Variants in HDAC6 observed in about 807,000 individuals in gnomAD.
HDAC6 encodes protein deacetylase HDAC6.
Under a neutral mutation model 88.9 loss-of-function variants are expected in HDAC6, and 5 were observed. The observed-to-expected ratio is 0.06, with a 90% CI of 0.03 to 0.12. HDAC6 has a LOEUF of 0.12. HDAC6 is among the 10% of genes least tolerant of loss of function. The pLI, the probability that HDAC6 is intolerant of heterozygous loss-of-function variation, is 1.00. For missense variants in HDAC6, 706 were observed against 1,014.4 expected, an observed-to-expected ratio of 0.70 and a Z score of 4.13; for synonymous variants, 378 against 398.0, an observed-to-expected ratio of 0.95 and a Z score of 0.60.
Position 48,823,122 on chromosome X carries a change from A to T in HDAC6, c.2723A>T (p.Asp908Val), listed in dbSNP as rs1557030674. The T allele has an allele frequency of 8.3e-7, 1 of 1,209,219 alleles. No individual in the cohort carries two copies. The highest frequency in any genetic ancestry group is 1.1e-6 in the Non-Finnish European group (1 of 894,108). ...SETAVVALTQ[D>V]QPSEAATGGA... The stretch of plus-strand genomic sequence containing the variant: ...ACAGCTGTGGTGGCCCTCACTCAGG[A>T]CCAGCCCTCAGAGGCAGCCACAGGG... The change falls in exon 25 of 29, where the codon GAC becomes GTC. Residue 908 changes from aspartate (D) to valine (V), a missense_variant. Asp to Val is a radical substitution (Grantham distance 152). Coordinates refer to ENST00000334136, the MANE Select transcript of HDAC6 (RefSeq NM_006044.4).
At chrX:48,809,723 A>G (rs1369663786) in intron 10 of HDAC6, among the ~76,000 whole-genome samples, 1 of 109,555 alleles carries the variant, frequency 9.1e-6, no homozygotes, top group African/African-American at 3.3e-5. Context: ...AATCACTTGA[A>G]CCCAGGAGGC....
At chrX:48,804,764 A>T (rs1473072356) in intron 4 of HDAC6, among the ~76,000 whole-genome samples, 1 of 112,022 alleles carries the variant, frequency 8.9e-6, no homozygotes, top group African/African-American at 3.3e-5. Context: ...GTTATGAAGA[A>T]GCAGTAAAGG....
Position 48,824,152 on chromosome X carries a change from A to AC in HDAC6, c.3451-9dup, listed in dbSNP as rs1557031517. On this transcript the variant is annotated splice_polypyrimidine_tract_variant and intron_variant, in intron 27 of 28. Coordinates refer to ENST00000334136, the MANE Select transcript of HDAC6 (RefSeq NM_006044.4). ...ATGCTGACCCCCACCTGACACTCAC[A>AC]CCCCCAACCTCAGGTCTACTGTGGT... 1 of 1,205,684 alleles carries AC rather than the reference A, an allele frequency of 8.3e-7. No individual in the cohort carries two copies. The highest frequency in any genetic ancestry group is 2.2e-5 in the Admixed American group (1 of 45,696).
In HDAC6 at chrX:48,822,785, C is replaced by A; in HGVS notation, c.2503C>A (p.Arg835=). 1.7e-6 allele frequency: 2 copies of A among 1,196,784 alleles called. No individual in the cohort carries two copies. Residue 835 remains arginine, a synonymous_variant, in exon 24 of 29, where the codon CGG becomes AGG. Transcript: ENST00000334136. ...QVHRRYWRSL[R]VMKVEDREGP... ...CCATCGCAGATACTGGCGCAGCTTA[C>A]GGGTCATGAGTGAGTGGATTTGGGG...
intron 13 of HDAC6, 21 bp downstream of exon 13, chrX:48,814,914 C>T (rs782466350): frequency 1.4e-4 from 173 of 1,207,682 alleles, no homozygotes; most frequent in Middle Eastern, 7.0e-4. Flanking sequence ...CTCCCTGGGG[C>T]GGCAGGTGGG....
rs1306820453 is a variant in HDAC6 at position 48,814,388 on chromosome X, CTA to C, written c.807-50_807-49del. 5 of 1,186,504 alleles carry C rather than the reference CTA, an allele frequency of 4.2e-6. No homozygotes were observed. In the Admixed American group the frequency reaches 1.1e-4, roughly 26 times the overall value. ...CTGGCAACTGTTGGGTTGGGGGTGT[CTA>C]TGGGGATTGACTTCTCCAACTCTCT... is the stretch of plus-strand genomic sequence containing the variant. On this transcript the variant is annotated intron_variant, in intron 10 of 28. Coordinates refer to ENST00000334136, the MANE Select transcript of HDAC6 (RefSeq NM_006044.4).
upstream of HDAC6, chrX:48,801,742 C>A: frequency 3.2e-6 from 2 of 634,120 alleles, no homozygotes; most frequent in South Asian, 5.1e-5. Context: ...CGCTTGTGAG[C>A]TCGCGAGAGG....
intron 22 of HDAC6, 43 bp downstream of exon 22, chrX:48,818,455 T>C: frequency 9.3e-7 from 1 of 1,076,240 alleles, no homozygotes; most frequent in Non-Finnish European, 1.2e-6. Flanking sequence ...GACACGCCTG[T>C]GCAGGTGGCA....
At chrX:48,801,786 C>G (rs1487189298), upstream of HDAC6, 23 of 903,519 alleles carry the variant, frequency 2.5e-5, no homozygotes, top group Non-Finnish European at 3.1e-5. Context: ...CCTTGAGGCA[C>G]GGTCCCCTCT....
chrX:48,807,255 A>G (rs1433491473), intron 8 of HDAC6, among the ~76,000 whole-genome samples: 3 of 112,525 alleles, frequency 2.7e-5, no homozygotes, highest in African/African-American at 9.7e-5. Context: ...GGAGCCCGGT[A>G]GAACACCATT....
At chrX:48,814,376 G>T in intron 10 of HDAC6, 64 bp from the exon 11 acceptor site, 1 of 1,144,393 alleles carries the variant, frequency 8.7e-7, no homozygotes, top group East Asian at 3.0e-5. Context: ...GCAACTGTTG[G>T]GTTGGGGGTG....
intron 4 of HDAC6, among the ~76,000 whole-genome samples, chrX:48,803,872 T>G (rs1449962971): frequency 1.8e-5 from 2 of 112,257 alleles, no homozygotes; most frequent in African/African-American, 6.5e-5. Context: ...GTTAAAATAC[T>G]TTAAGGAGGC....
In HDAC6 at chrX:48,818,116, G is replaced by T. The variant is rs1557028279; in HGVS notation, c.1994+7G>T. ...TGTTTGAGGATGACCCCAGGTAAGG[G>T]CTGCAGTCAGGGGCCGCAGTGTGAT... is the stretch of plus-strand genomic sequence containing the variant. On this transcript the variant is annotated splice_region_variant and intron_variant, in intron 21 of 28. Coordinates refer to ENST00000334136, the MANE Select transcript of HDAC6 (RefSeq NM_006044.4). The T allele has an allele frequency of 3.4e-6, 4 of 1,192,053 alleles. No homozygotes were observed. The South Asian group carries it at 7.4e-5, about 22-fold the overall frequency.
rs1569503777 is a variant in HDAC6 at position 48,814,665 on chromosome X, G to C, written c.934-10G>C. 8.3e-7 allele frequency: 1 copy of C among 1,209,104 alleles called. No homozygotes were observed. Among genetic ancestry groups the C allele is most frequent in the Non-Finnish European group, 1.1e-6 (1 of 893,729 alleles). On this transcript the variant is annotated splice_polypyrimidine_tract_variant and intron_variant, in intron 11 of 28. Coordinates refer to ENST00000334136, the MANE Select transcript of HDAC6 (RefSeq NM_006044.4). Reference sequence around the variant, plus strand: ...GCTGAACATCCCCCATCACACTCCTGTGTCTGCAGGTGGGGATGCGGGATG... The same window carrying C: ...GCTGAACATCCCCCATCACACTCCTCTGTCTGCAGGTGGGGATGCGGGATG...
chrX:48,814,619 G>A, intron 11 of HDAC6, 53 bp downstream of exon 11: 1 of 1,206,981 alleles, frequency 8.3e-7, no homozygotes, highest in Non-Finnish European at 1.1e-6. Context: ...CCGCCCTTCT[G>A]TCAGCGGCTC....
At chrX:48,806,556 G>A in intron 7 of HDAC6, 53 bp from the exon 8 acceptor site, 2 of 1,080,165 alleles carry the variant, frequency 1.9e-6, no homozygotes, top group Non-Finnish European at 2.6e-6. Context: ...CAGCTGAGTG[G>A]ATAGGGCTGT....
chrX:48,820,419 T>C (rs190591847), intron 23 of HDAC6, among the ~76,000 whole-genome samples, 164 bp downstream of exon 23: 63 of 112,772 alleles, frequency 5.6e-4, no homozygotes, highest in African/African-American at 1.9e-3. Context: ...ACAGCCTTAA[T>C]TGAGTGCTCA....
At chrX:48,817,985 A>T (rs782417389) in intron 20 of HDAC6, 56 bp from the exon 21 acceptor site, 56 of 1,074,555 alleles carry the variant, frequency 5.2e-5, no homozygotes, top group Admixed American at 2.3e-4. Flanking sequence ...GGTCTAGCCC[A>T]GCCCTCTTCC....
chrX:48,820,332 C>T (rs1244931763), intron 23 of HDAC6, 77 bp downstream of exon 23: 3 of 891,399 alleles, frequency 3.4e-6, no homozygotes, highest in African/African-American at 4.0e-5. Context: ...AGGACAGTTT[C>T]CTGAAATCTC....
Sources: gnomAD v4.1 joint callset for allele counts (sites outside exome capture counted in the v4.1 genomes callset) on GRCh38, gnomAD v4.1.1 for gene constraint, MANE v1.5 for transcripts, NCBI Gene and HGNC (gene_info 2026-07-23, HGNC 2026-07-21) for gene names.